The following EDIL3 variants were observed in gnomAD, a reference collection of about 807,000 sequenced individuals.
EDIL3 encodes the protein EGF like and discoidin domains 3, also known as EGF-like repeat and discoidin I-like domain-containing protein 3.
EDIL3 carries 37 observed loss-of-function variants against 67.4 expected under a neutral mutation model. The observed-to-expected ratio is 0.55, with a 90% confidence interval of 0.42 to 0.72. The LOEUF is 0.72. Among genes scored for constraint, EDIL3 ranks in the 30% least tolerant of loss-of-function variants. The probability of loss-of-function intolerance (pLI) is 0.00; values close to 1 mark genes in which losing one functional copy is unlikely to be tolerated. For missense variants in EDIL3, 527 were observed against 586.3 expected (o/e 0.90, Z 1.04); for synonymous variants, 195 against 196.3 (o/e 0.99, Z 0.05).
At chr5:84,357,599 C>G (rs942100203) in intron 1 of EDIL3, among the ~76,000 whole-genome samples, 4 of 151,978 alleles carry the variant, frequency 2.6e-5, no homozygotes, top group Admixed American at 6.6e-5. Flanking sequence ...GAATCAAATG[C>G]AAGCGAGGGC....
intron 9 of EDIL3, among the ~76,000 whole-genome samples, chr5:84,043,314 T>C (rs951557390): frequency 1.3e-5 from 2 of 152,210 alleles, no homozygotes; most frequent in Admixed American, 1.3e-4. Context: ...GGGTTAACTT[T>C]AGCTTATGTG....
intron 6 of EDIL3, among the ~76,000 whole-genome samples, chr5:84,099,199 C>T (rs1458219565): frequency 6.6e-6 from 1 of 152,102 alleles, no homozygotes; most frequent in Non-Finnish European, 1.5e-5. Context: ...AGATTCAATG[C>T]TATCCCCATC....
intron 2 of EDIL3, among the ~76,000 whole-genome samples, chr5:84,235,750 C>T (rs1162607839): frequency 2.0e-5 from 3 of 151,902 alleles, no homozygotes; most frequent in Non-Finnish European, 2.9e-5. Flanking sequence ...GAAAGCCTTA[C>T]ATCTCTGTAT....
intron 1 of EDIL3, among the ~76,000 whole-genome samples, chr5:84,269,268 A>T (rs1277903898): frequency 6.6e-6 from 1 of 152,162 alleles, no homozygotes; most frequent in African/African-American, 2.4e-5. Flanking sequence ...AATATGTCAA[A>T]ATTTATATGT....
At chr5:84,321,257 A>G (rs1304447267) in intron 1 of EDIL3, among the ~76,000 whole-genome samples, 1 of 152,044 alleles carries the variant, frequency 6.6e-6, no homozygotes, top group Non-Finnish European at 1.5e-5. Flanking sequence ...TTTTGAAAAT[A>G]TCTTTCATTT....
At chr5:84,046,741 C>A (rs1746230709) in intron 9 of EDIL3, among the ~76,000 whole-genome samples, 1 of 152,134 alleles carries the variant, frequency 6.6e-6, no homozygotes, top group African/African-American at 2.4e-5. Flanking sequence ...TGCTTTGTTG[C>A]TACAAAGATA....
At chr5:83,967,644 G>A (rs1015712085) in intron 9 of EDIL3, among the ~76,000 whole-genome samples, 6 of 152,066 alleles carry the variant, frequency 3.9e-5, no homozygotes, top group Non-Finnish European at 8.8e-5. Flanking sequence ...TAGACAAATG[G>A]CATAGAATTC....
At chr5:83,995,208 T>C (rs1254557978) in intron 9 of EDIL3, among the ~76,000 whole-genome samples, 1 of 151,118 alleles carries the variant, frequency 6.6e-6, no homozygotes, top group East Asian at 1.9e-4. Context: ...AACACTTCAT[T>C]ATGTTAGAAA....
At chr5:84,198,320 A>G (rs1743758393) in intron 3 of EDIL3, among the ~76,000 whole-genome samples, 2 of 151,884 alleles carry the variant, frequency 1.3e-5, no homozygotes, top group Admixed American at 1.3e-4. Context: ...CTAGTAAGGG[A>G]AGAGAGGTCA....
Position 83,943,313 on chromosome 5 carries a change from GAAA to G in EDIL3, c.*103_*105del, listed in dbSNP as rs146077789. ...TACCATAATTTGAGCACTTTTTCAT[GAAA>G]AAAAAAAAAAAACCATTCAGTTTCC... On this transcript the variant is annotated 3_prime_UTR_variant, in exon 11 of 11. Coordinates refer to ENST00000296591, the MANE Select transcript of EDIL3 (RefSeq NM_005711.5). 4.1e-4 allele frequency: 521 copies of G among 1,273,724 alleles called. No individual in the cohort carries two copies. The highest frequency in any genetic ancestry group is 9.8e-4 in the Admixed American group (37 of 37,748). The allele number at this position is 1,273,724 out of a possible 1,614,324, so 78.9% of individuals were successfully genotyped here. A position where few individuals can be genotyped will look rare whatever the true frequency, so the allele number is the denominator to read the frequency against.
intron 1 of EDIL3, among the ~76,000 whole-genome samples, chr5:84,309,597 G>T (rs1746344967): frequency 6.6e-6 from 1 of 150,824 alleles, no homozygotes; most frequent in South Asian, 2.1e-4. Flanking sequence ...TACGGTGTTT[G>T]GTTTTTTGTC....
At chr5:84,376,939 T>C (rs1022133893) in intron 1 of EDIL3, among the ~76,000 whole-genome samples, 1 of 152,206 alleles carries the variant, frequency 6.6e-6, no homozygotes, top group African/African-American at 2.4e-5. Flanking sequence ...GCGTTTATAA[T>C]ACAGAAGTTA....
At position 84,180,510 on chromosome 5, in the gene EDIL3, G is replaced by A. The variant is rs772303195; in HGVS notation, c.238C>T (p.Pro80Ser). 4.4e-6 allele frequency: 7 copies of A among 1,587,816 alleles called. No individual in the cohort carries two copies. The highest frequency in any genetic ancestry group is 6.0e-6 in the Non-Finnish European group (7 of 1,170,220). Residue 80 changes from proline (P) to serine (S), a missense_variant, in exon 4 of 11, where the codon CCT (proline) becomes TCT (serine). Pro to Ser is a moderately conservative substitution (Grantham distance 74, BLOSUM62 -1). Transcript: ENST00000296591. The part of the protein sequence containing the change: ...EEPTSAGPCT[P>S]NPCHNGGTCE... ...GTTCCTCCATTATGGCATGGATTAG[G>A]AGTGCAGGGACCTGAAAGACAGAAA...
chr5:84,315,260 C>G (rs1047080732), intron 1 of EDIL3, among the ~76,000 whole-genome samples: 2 of 152,144 alleles, frequency 1.3e-5, no homozygotes, highest in Non-Finnish European at 2.9e-5. Context: ...CTCAAAGCTC[C>G]TATAATTATG....
At chr5:84,006,056 T>A (rs1377510746) in intron 9 of EDIL3, among the ~76,000 whole-genome samples, 1 of 148,876 alleles carries the variant, frequency 6.7e-6, no homozygotes, top group Non-Finnish European at 1.5e-5. Flanking sequence ...AGATCAAGAA[T>A]ATAATTCCAC....
At chr5:84,362,315 C>G (rs1218465814) in intron 1 of EDIL3, among the ~76,000 whole-genome samples, 3 of 152,096 alleles carry the variant, frequency 2.0e-5, no homozygotes, top group Non-Finnish European at 4.4e-5. Flanking sequence ...AGTCAGGGAA[C>G]TATTACACCA....
At chr5:83,999,054 AAG>A (rs1243244476) in intron 9 of EDIL3, among the ~76,000 whole-genome samples, 1 of 152,154 alleles carries the variant, frequency 6.6e-6, no homozygotes, top group African/African-American at 2.4e-5. Context: ...ACAAGTCTGC[AAG>A]AGTCACAGGG....
Position 84,142,826 on chromosome 5 carries a change from C to G in EDIL3, c.356-5472G>C, listed in dbSNP as rs142180096. ...GAGACAATGATAGACGGTGCCCCCC[C>G]CCCCAAGCTTTTTTTTCTTTTGCGA... On this transcript the variant is annotated intron_variant, in intron 4 of 10. Coordinates refer to ENST00000296591, the MANE Select transcript of EDIL3 (RefSeq NM_005711.5). Among the ~76,000 whole-genome samples the G allele has an allele frequency of 1.7e-3, 243 of 147,228 alleles. 1 individual carries two copies. Among genetic ancestry groups the G allele is most frequent in the African/African-American group, 4.6e-3 (189 of 40,686 alleles).
intron 1 of EDIL3, among the ~76,000 whole-genome samples, chr5:84,266,782 A>G (rs1345811010): frequency 6.6e-6 from 1 of 152,206 alleles, no homozygotes; most frequent in Non-Finnish European, 1.5e-5. Flanking sequence ...TTTCTGGCAC[A>G]AATTACCTGC....
Sources: allele counts gnomAD v4.1 joint callset (sites outside exome capture counted in the v4.1 genomes callset), GRCh38; gene constraint gnomAD v4.1.1; transcripts MANE v1.5; gene names NCBI Gene and HGNC (gene_info 2026-07-23, HGNC 2026-07-21).